RASGRP1: variants seen among roughly 807,000 people sequenced by gnomAD.
The protein encoded by RASGRP1 is RAS guanyl-releasing protein 1.
Under a neutral mutation model 95.1 loss-of-function variants are expected in RASGRP1, and 37 were observed. The observed-to-expected ratio is 0.39, with a 90% confidence interval of 0.30 to 0.51. The LOEUF (loss-of-function observed/expected upper bound fraction) is 0.51. Ranked by LOEUF, RASGRP1 falls within the 20% of genes least tolerant of loss-of-function variation. The pLI is 0.80. For synonymous variants in RASGRP1, 325 were observed against 353.4 expected, an observed-to-expected ratio of 0.92 and a Z score of 0.90; for missense variants, 711 against 965.4, an observed-to-expected ratio of 0.74 and a Z score of 3.49.
intron 2 of RASGRP1, among the ~76,000 whole-genome samples, chr15:38,532,766 C>T (rs1334775297): frequency 6.6e-6 from 1 of 152,092 alleles, no homozygotes. Flanking sequence ...ATGAATCTAC[C>T]CTATGGAAAG....
intron 2 of RASGRP1, among the ~76,000 whole-genome samples, chr15:38,542,483 T>C (rs1487577680): frequency 6.6e-6 from 1 of 151,750 alleles, no homozygotes; most frequent in Non-Finnish European, 1.5e-5. Flanking sequence ...AGATCAAGTT[T>C]GATTAGACTG....
At chr15:38,502,479 T>G in intron 11 of RASGRP1, 58 bp from the exon 12 acceptor site, 1 of 1,086,562 alleles carries the variant, frequency 9.2e-7, no homozygotes, top group South Asian at 1.4e-5. Context: ...TCTCTCCCTT[T>G]AGTCAAATGA....
chr15:38,543,681 G>A (rs1211488021), intron 2 of RASGRP1, among the ~76,000 whole-genome samples: 1 of 126,832 alleles, frequency 7.9e-6, no homozygotes, highest in Admixed American at 8.4e-5. Context: ...ATAGTATTAA[G>A]CCCATCCAGT....
intron 10 of RASGRP1, among the ~76,000 whole-genome samples, chr15:38,505,450 A>G (rs1216144026): frequency 6.6e-6 from 1 of 152,184 alleles, no homozygotes; most frequent in Non-Finnish European, 1.5e-5. Flanking sequence ...TCAATGAATC[A>G]TAGAAAAGAA....
rs367582215 is a variant in RASGRP1 at position 38,560,022 on chromosome 15, G to A, written c.36-17C>T. On this transcript the variant is annotated splice_polypyrimidine_tract_variant and intron_variant, in intron 1 of 16. Coordinates refer to ENST00000310803, the MANE Select transcript of RASGRP1 (RefSeq NM_005739.4). Reference sequence around the variant, plus strand: ...GAAGGTTTCCTGGGGAAAGAGAGAAGGCAGTGAGGGGACAAACGGGCAGCT... The same window carrying A: ...GAAGGTTTCCTGGGGAAAGAGAGAAAGCAGTGAGGGGACAAACGGGCAGCT... The A allele has an allele frequency of 6.3e-7, 1 of 1,595,844 alleles. No homozygotes were observed. Among genetic ancestry groups the A allele is most frequent in the Non-Finnish European group, 8.6e-7 (1 of 1,166,788 alleles).
intron 8 of RASGRP1, 48 bp downstream of exon 8, chr15:38,511,556 C>G: frequency 7.0e-7 from 1 of 1,423,608 alleles, no homozygotes. Flanking sequence ...TGTTGGCACA[C>G]ATCTTGAGAA....
chr15:38,500,213 T>A, intron 13 of RASGRP1, 74 bp from the exon 14 acceptor site: 2 of 1,501,332 alleles, frequency 1.3e-6, no homozygotes, highest in Non-Finnish European at 1.8e-6. Context: ...GACATTCCTT[T>A]ATTTTCCTTC....
intron 16 of RASGRP1, among the ~76,000 whole-genome samples, chr15:38,494,057 C>G (rs62003583): frequency 0.011 from 1,705 of 152,318 alleles, 20 homozygotes; most frequent in Non-Finnish European, 0.019. Flanking sequence ...TGTGAGCCTA[C>G]TAAACAGGGC....
chr15:38,529,823 A>C (rs1204062341), intron 2 of RASGRP1, among the ~76,000 whole-genome samples: 2 of 152,192 alleles, frequency 1.3e-5, no homozygotes, highest in Non-Finnish European at 2.9e-5. Flanking sequence ...GTCATTACCT[A>C]TTTCATTCGT....
intron 7 of RASGRP1, among the ~76,000 whole-genome samples, chr15:38,511,988 C>T (rs1891541054): frequency 6.6e-6 from 1 of 152,110 alleles, no homozygotes; most frequent in South Asian, 2.1e-4. Context: ...AGAATCACCT[C>T]AAGTATTTGT....
chr15:38,505,391 T>G (rs1012960919), intron 10 of RASGRP1, among the ~76,000 whole-genome samples: 1 of 152,190 alleles, frequency 6.6e-6, no homozygotes, highest in African/African-American at 2.4e-5. Flanking sequence ...AACCTGGAAA[T>G]CTTCAGAAAT....
At chr15:38,507,637 G>T in intron 9 of RASGRP1, 89 bp downstream of exon 9, 1 of 1,389,822 alleles carries the variant, frequency 7.2e-7, no homozygotes, top group South Asian at 1.4e-5. Context: ...GCCTTTATGA[G>T]GACTAACAGC....
At chr15:38,493,251 C>G (rs1271652256) in intron 16 of RASGRP1, among the ~76,000 whole-genome samples, 3 of 143,516 alleles carry the variant, frequency 2.1e-5, no homozygotes, top group East Asian at 4.3e-4. Flanking sequence ...GGTCTCAGCT[C>G]ACTGCAACCT....
At chr15:38,495,119 T>A (rs1017442174) in intron 15 of RASGRP1, among the ~76,000 whole-genome samples, 6 of 152,214 alleles carry the variant, frequency 3.9e-5, no homozygotes, top group Non-Finnish European at 8.8e-5. Context: ...AAATGCTCCA[T>A]AAATACTTTT....
rs1282489807 is a variant in RASGRP1, at chr15:38,534,389, G to GTTA, written c.221-7986_221-7985insTAA. On this transcript the variant is annotated intron_variant, in intron 2 of 16. Coordinates refer to ENST00000310803, the MANE Select transcript of RASGRP1 (RefSeq NM_005739.4). ...GGTATGTCATACCCTGGCCCACATA[G>GTTA]GACAGCCTGCCATATAGTTAGACTA... 2.9e-3 allele frequency: 441 copies of GTTA among 152,302 alleles called. 5 individuals carry two copies. Among genetic ancestry groups the GTTA allele is most frequent in the African/African-American group, 0.01 (424 of 41,558 alleles). 9.4% of individuals were successfully genotyped at this position (152,302 alleles called of 1,614,324 possible).
At chr15:38,501,857 G>GT (rs199551123) in intron 12 of RASGRP1, among the ~76,000 whole-genome samples, 23,548 of 140,790 alleles carry the variant, frequency 0.17, 1,931 homozygotes, top group South Asian at 0.24. Flanking sequence ...TTCAGTTTTT[G>GT]TTTTTTTTTT....
At chr15:38,543,648 C>CTTTTTTTTTTTTTTTTTTTTT (rs11450286) in intron 2 of RASGRP1, among the ~76,000 whole-genome samples, 1 of 49,498 alleles carries the variant, frequency 2.0e-5, no homozygotes, top group Non-Finnish European at 5.1e-5. Context: ...TTCTTTTTTT[C>CTTTTTTTTTTTTTTTTTTTTT]TTTTTTTTTT....
intron 3 of RASGRP1, among the ~76,000 whole-genome samples, chr15:38,525,796 G>T (rs1266121403): frequency 6.6e-6 from 1 of 152,090 alleles, no homozygotes; most frequent in Non-Finnish European, 1.5e-5. Flanking sequence ...CCGTAATAAG[G>T]TTAAAGTCCA....
intron 2 of RASGRP1, among the ~76,000 whole-genome samples, chr15:38,553,659 G>T (rs994622375): frequency 6.6e-6 from 1 of 152,226 alleles, no homozygotes; most frequent in Non-Finnish European, 1.5e-5. Flanking sequence ...AACTGTAGTT[G>T]TAACAGACAT....
Sources: allele counts gnomAD v4.1 joint callset (sites outside exome capture counted in the v4.1 genomes callset), GRCh38; gene constraint gnomAD v4.1.1; transcripts MANE v1.5; gene names NCBI Gene and HGNC (gene_info 2026-07-23, HGNC 2026-07-21).